Variants in WASF3 observed in about 807,000 individuals in gnomAD.
The protein encoded by WASF3 is actin-binding protein WASF3.
In WASF3, 11 loss-of-function variants were observed where a neutral mutation model predicts 46.6. The observed-to-expected ratio is 0.24, with a 90% CI of 0.15 to 0.39. WASF3 has a LOEUF of 0.39. Among genes scored for constraint, WASF3 ranks in the 10% least tolerant of loss-of-function variants. The pLI is 1.00. For missense variants in WASF3, 576 were observed against 669.8 expected (o/e 0.86, Z 1.55); for synonymous variants, 242 against 259.7 (o/e 0.93, Z 0.65).
chr13:26,566,240 A>G (rs1020247905), intron 1 of WASF3, among the ~76,000 whole-genome samples: 1 of 152,242 alleles, frequency 6.6e-6, no homozygotes, highest in African/African-American at 2.4e-5. Context: ...TAGAGTTTTA[A>G]GTGGAATATG....
chr13:26,612,720 A>T (rs1475728207), intron 1 of WASF3, among the ~76,000 whole-genome samples: 2 of 152,176 alleles, frequency 1.3e-5, no homozygotes, highest in South Asian at 2.1e-4. Flanking sequence ...TCTGCCCTTC[A>T]GCTATTATTT....
At chr13:26,632,913 G>A (rs553047388) in intron 2 of WASF3, among the ~76,000 whole-genome samples, 1 of 152,250 alleles carries the variant, frequency 6.6e-6, no homozygotes, top group East Asian at 1.9e-4. Context: ...GGGTGTATGT[G>A]TCCAGGAATT....
At chr13:26,562,538 T>G (rs1200484690) in intron 1 of WASF3, among the ~76,000 whole-genome samples, 1 of 152,046 alleles carries the variant, frequency 6.6e-6, no homozygotes, top group African/African-American at 2.4e-5. Context: ...GGGGGAACCC[T>G]TTGGTTTTTG....
At chr13:26,664,888 C>G (rs772155712) in intron 3 of WASF3, 140 bp from the exon 4 acceptor site, 6 of 796,524 alleles carry the variant, frequency 7.5e-6, no homozygotes, top group Non-Finnish European at 1.2e-5. Context: ...TTCTAAAGGC[C>G]TTGGACTGTG....
intron 1 of WASF3, among the ~76,000 whole-genome samples, chr13:26,598,089 A>G (rs975525469): frequency 6.6e-6 from 1 of 152,172 alleles, no homozygotes; most frequent in African/African-American, 2.4e-5. Flanking sequence ...CCAACAGTGT[A>G]AAAGTGTTTC....
At chr13:26,584,106 GCATCTAACAAAGACT>G (rs1880061685) in intron 1 of WASF3, among the ~76,000 whole-genome samples, 1 of 152,296 alleles carries the variant, frequency 6.6e-6, no homozygotes, top group Non-Finnish European at 1.5e-5. Flanking sequence ...GATCAAACAA[GCATCTAACAAAGACT>G]CTTCCTTCCA....
chr13:26,543,644 T>C, the WASF3 span, among the ~76,000 whole-genome samples: 2 of 152,158 alleles, frequency 1.3e-5, no homozygotes, highest in Non-Finnish European at 2.9e-5. Context: ...GGTGCCCTTA[T>C]TGCCTTCACA....
chr13:26,625,333 C>T (rs1881432680), intron 2 of WASF3, among the ~76,000 whole-genome samples: 1 of 152,178 alleles, frequency 6.6e-6, no homozygotes, highest in African/African-American at 2.4e-5. Flanking sequence ...GTCCCACAAT[C>T]TGCTGTCTAC....
In WASF3 at chr13:26,681,128, C is replaced by A. The variant is rs777568753; in HGVS notation, c.791C>A (p.Thr264Asn). ...PNHSLHPQPV[T>N]PSYAAGDVPP... ...CATTCTCTGCACCCCCAGCCTGTGACCCCTTCCTATGCAGCTGGTGACGTG... is the reference window on the plus strand; with the variant it reads ...CATTCTCTGCACCCCCAGCCTGTGAACCCTTCCTATGCAGCTGGTGACGTG... Residue 264 changes from threonine (T) to asparagine (N), a missense_variant, in exon 8 of 10, where the codon ACC becomes AAC. By Grantham distance (65) the Thr-to-Asn change is moderately conservative. Around this residue, in one of 3 missense-constraint regions of WASF3, gnomAD observed 295 missense variants for 291.5 expected, o/e 1.01. Coordinates refer to ENST00000335327, the MANE Select transcript of WASF3 (RefSeq NM_006646.6). 6.2e-7 allele frequency: 1 copy of A among 1,614,226 alleles called. No individual in the cohort carries two copies. Among genetic ancestry groups the A allele is most frequent in the South Asian group, 1.1e-5 (1 of 91,078 alleles).
At chr13:26,665,665 G>A (rs1882749295) in intron 4 of WASF3, among the ~76,000 whole-genome samples, 1 of 152,166 alleles carries the variant, frequency 6.6e-6, no homozygotes, top group Admixed American at 6.5e-5. Flanking sequence ...CCTTTAGGCT[G>A]CAGGCTTTAA....
chr13:26,541,927 C>G, the WASF3 span, among the ~76,000 whole-genome samples: 3 of 152,212 alleles, frequency 2.0e-5, no homozygotes, highest in Non-Finnish European at 4.4e-5. Context: ...CCTGAATGTA[C>G]CCGGCCTTCT....
chr13:26,576,190 C>T (rs946277045), intron 1 of WASF3, among the ~76,000 whole-genome samples: 1 of 152,014 alleles, frequency 6.6e-6, no homozygotes, highest in African/African-American at 2.4e-5. Context: ...GGTTGTTTTT[C>T]TACTTTTCCT....
chr13:26,552,667 A>G, the WASF3 span, among the ~76,000 whole-genome samples: 3 of 152,222 alleles, frequency 2.0e-5, no homozygotes, highest in African/African-American at 7.2e-5. Flanking sequence ...GACAGTTATT[A>G]TGCTTTTAAA....
At chr13:26,601,080 C>T (rs987554953) in intron 1 of WASF3, among the ~76,000 whole-genome samples, 2 of 152,142 alleles carry the variant, frequency 1.3e-5, no homozygotes, top group African/African-American at 4.8e-5. Flanking sequence ...CATTCACTTG[C>T]TTTCAGATGT....
chr13:26,666,698 G>A (rs1373146636), intron 4 of WASF3, among the ~76,000 whole-genome samples: 1 of 152,068 alleles, frequency 6.6e-6, no homozygotes, highest in Non-Finnish European at 1.5e-5. Flanking sequence ...AGGAGATCAA[G>A]ACCATCCTGG....
At chr13:26,627,223 T>A (rs2137253156) in intron 2 of WASF3, among the ~76,000 whole-genome samples, 1 of 152,266 alleles carries the variant, frequency 6.6e-6, no homozygotes, top group East Asian at 1.9e-4. Flanking sequence ...ATTTTGGTAA[T>A]ATAAAATTAA....
At chr13:26,664,841 T>G (rs902513844) in intron 3 of WASF3, among the ~76,000 whole-genome samples, 187 bp from the exon 4 acceptor site, 1 of 152,260 alleles carries the variant, frequency 6.6e-6, no homozygotes. Flanking sequence ...TGAGTCAGTT[T>G]CAGATTTATA....
chr13:26,548,962 A>C, the WASF3 span, among the ~76,000 whole-genome samples: 1 of 147,970 alleles, frequency 6.8e-6, no homozygotes, highest in Non-Finnish European at 1.5e-5. Flanking sequence ...ATCTCACTAC[A>C]TTTTATTTTT....
intron 2 of WASF3, among the ~76,000 whole-genome samples, chr13:26,616,834 TC>T (rs1881148832): frequency 6.6e-6 from 1 of 152,174 alleles, no homozygotes; most frequent in South Asian, 2.1e-4. Flanking sequence ...ATTCCAATTG[TC>T]ATCAGTATTG....
Sources: allele counts gnomAD v4.1 joint callset (sites outside exome capture counted in the v4.1 genomes callset), GRCh38; gene constraint gnomAD v4.1.1; regional missense constraint gnomAD v4.1.1; transcripts MANE v1.5; gene names NCBI Gene and HGNC (gene_info 2026-07-23, HGNC 2026-07-21).